Variants in CAMSAP1 observed in about 807,000 individuals in gnomAD.
CAMSAP1 encodes calmodulin regulated spectrin associated protein 1.
Under a neutral mutation model 143.5 loss-of-function variants are expected in CAMSAP1, and 58 were observed. The observed-to-expected ratio is 0.40, with a 90% CI of 0.33 to 0.50. The LOEUF is 0.50. CAMSAP1 is among the 20% of genes least tolerant of loss of function. CAMSAP1 has a pLI of 0.45. For missense variants in CAMSAP1, 1,969 were observed against 2,115.7 expected (o/e 0.93, Z 1.36); for synonymous variants, 945 against 859.3 (o/e 1.10, Z -1.74).
intron 3 of CAMSAP1, among the ~76,000 whole-genome samples, chr9:135,872,880 C>T (rs150126121): frequency 1.3e-5 from 2 of 152,136 alleles, no homozygotes; most frequent in South Asian, 2.1e-4. Context: ...AACCAAATGG[C>T]GGGTTACAAG....
intron 5 of CAMSAP1, among the ~76,000 whole-genome samples, chr9:135,852,751 A>AC (rs1342401593): frequency 1.3e-5 from 2 of 152,192 alleles, no homozygotes; most frequent in African/African-American, 4.8e-5. Context: ...TAGGGCACAT[A>AC]CCCTGCACAT....
intron 3 of CAMSAP1, among the ~76,000 whole-genome samples, chr9:135,870,863 T>C (rs1028032696): frequency 6.6e-6 from 1 of 152,216 alleles, no homozygotes; most frequent in Admixed American, 6.5e-5. Flanking sequence ...GTGAAGTTTA[T>C]GGCATGTAAA....
chr9:135,850,638 T>C (rs1389666256), intron 5 of CAMSAP1, among the ~76,000 whole-genome samples, 177 bp from the exon 6 acceptor site: 5 of 152,180 alleles, frequency 3.3e-5, no homozygotes, highest in African/African-American at 1.2e-4. Context: ...AAGAAAACAC[T>C]CAAGACAACT....
At chr9:135,876,360 T>C (rs1485932652) in intron 3 of CAMSAP1, among the ~76,000 whole-genome samples, 4 of 152,216 alleles carry the variant, frequency 2.6e-5, no homozygotes, top group South Asian at 2.1e-4. Flanking sequence ...CCCAAATACA[T>C]ACATTTCTAA....
At chr9:135,833,037 T>A (rs1293980881) in intron 7 of CAMSAP1, among the ~76,000 whole-genome samples, 1 of 150,298 alleles carries the variant, frequency 6.7e-6, no homozygotes, top group Non-Finnish European at 1.5e-5. Flanking sequence ...AAACCTAAAA[T>A]CTGTATGGAA....
intron 3 of CAMSAP1, among the ~76,000 whole-genome samples, chr9:135,878,676 G>T (rs907197667): frequency 2.6e-5 from 4 of 152,144 alleles, no homozygotes; most frequent in African/African-American, 9.7e-5. Flanking sequence ...ACCGGAGAGG[G>T]CCTAGGAACA....
chr9:135,874,987 A>G (rs148783348), intron 3 of CAMSAP1, among the ~76,000 whole-genome samples: 268 of 152,348 alleles, frequency 1.8e-3, no homozygotes, highest in African/African-American at 4.6e-3. Flanking sequence ...ACCATAAAAC[A>G]TGGCTGAGAG....
chr9:135,818,327 C>T lies in CAMSAP1; in HGVS notation c.4168+81G>A. 1 of 1,433,136 alleles carries T rather than the reference C, an allele frequency of 7.0e-7. No individual in the cohort carries two copies. Among genetic ancestry groups the T allele is most frequent in the Non-Finnish European group, 9.3e-7 (1 of 1,071,378 alleles). 88.8% of individuals were successfully genotyped at this position (1,433,136 alleles called of 1,614,324 possible). On this transcript the variant is annotated intron_variant, in intron 13 of 16. Coordinates refer to ENST00000389532, the MANE Select transcript of CAMSAP1 (RefSeq NM_015447.4). This position sits in a 1 kb window ranked among gnomAD's most constrained non-coding sequence, Gnocchi z 7.7. ...TCCCGCCTCACACCACTCTTGATGA[C>T]AAAATTGAAATGAGCTGAAGAACGT...
chr9:135,833,424 C>T (rs62584818), intron 7 of CAMSAP1, among the ~76,000 whole-genome samples: 21,254 of 152,148 alleles, frequency 0.14, 1,672 homozygotes, highest in Non-Finnish European at 0.17. Flanking sequence ...CATCACACTC[C>T]CTGATTTCAA....
At position 135,854,259 on chromosome 9, in the gene CAMSAP1, T is replaced by C. The variant is rs1328664851; in HGVS notation, c.809-3798A>G. 2.0e-5 allele frequency among the ~76,000 whole-genome samples: 3 copies of C among 152,252 alleles called. No homozygotes were observed. In the East Asian group the frequency reaches 5.8e-4, roughly 29 times the overall value. ...CCACCACTTTTGGCTTCAAAGAAGA[T>C]TGCTCATTTTGTCTAACATTTCAAA... On this transcript the variant is annotated intron_variant, in intron 5 of 16. Transcript: ENST00000389532.
At chr9:135,817,948 C>G (rs749718056) in intron 14 of CAMSAP1, 29 bp downstream of exon 14, 7 of 1,602,122 alleles carry the variant, frequency 4.4e-6, no homozygotes, top group Non-Finnish European at 6.0e-6. Flanking sequence ...CCTCCAGCCC[C>G]GTGCCGGCGG....
In CAMSAP1 at chr9:135,814,597, G is replaced by A. The variant is rs563155985; in HGVS notation, c.4506+500C>T. Reference sequence around the variant, plus strand: ...CGGAGTCCACACGCTCAGCGGGTGCGCGCCTCTTCCCTCCCTCCCCACTCC... The same window carrying A: ...CGGAGTCCACACGCTCAGCGGGTGCACGCCTCTTCCCTCCCTCCCCACTCC... On this transcript the variant is annotated intron_variant, in intron 16 of 16. Transcript: ENST00000389532. Among the ~76,000 whole-genome samples, 15 of 152,226 alleles carry A rather than the reference G, an allele frequency of 9.9e-5. No homozygotes were observed. In the East Asian group the frequency reaches 1.2e-3, roughly 12 times the overall value.
At position 135,824,681 on chromosome 9, in the gene CAMSAP1, AC is replaced by A; in HGVS notation, c.1315+107del. ...TCCATCTCAAAAAACAAACAAACAAACAAAAAAATCACTACATCAGATAAAA... is the reference window on the plus strand; with the variant it reads ...TCCATCTCAAAAAACAAACAAACAAAAAAAAAATCACTACATCAGATAAAA... On this transcript the variant is annotated intron_variant, in intron 9 of 16. Coordinates refer to ENST00000389532, the MANE Select transcript of CAMSAP1 (RefSeq NM_015447.4). This position sits in a 1 kb window ranked among gnomAD's most constrained non-coding sequence, Gnocchi z 4.1. 2 of 894,586 alleles carry A rather than the reference AC, an allele frequency of 2.2e-6. No homozygotes were observed. Among genetic ancestry groups the A allele is most frequent in the Middle Eastern group, 2.3e-4 (1 of 4,434 alleles). The allele number at this position is 894,586 out of a possible 1,614,324, so 55.4% of individuals were successfully genotyped here.
chr9:135,879,141 T>C (rs761744535), intron 3 of CAMSAP1, among the ~76,000 whole-genome samples: 1 of 152,016 alleles, frequency 6.6e-6, no homozygotes, highest in African/African-American at 2.4e-5. Context: ...TAATTGCCAT[T>C]TGTCACAATC....
Position 135,821,080 on chromosome 9 carries a change from T to C in CAMSAP1, c.3581A>G (p.Gln1194Arg). ...ATCCAGAACTTCTTTGAGGCTCATC[T>C]GCTCCGAAAGAATGTTGGCATCTTT... The part of the protein sequence containing the change: ...SSKDANILSE[Q>R]MSLKEVLDAS... Residue 1194 changes from glutamine to arginine, a missense_variant, in exon 11 of 17, where the codon CAG (glutamine) becomes CGG (arginine). By Grantham distance (43) the Gln-to-Arg change is conservative. Around this residue, in one of 4 missense-constraint regions of CAMSAP1, gnomAD observed 1,390 missense variants for 1,420.8 expected, o/e 0.98. Transcript: ENST00000389532. The surrounding 1 kb of genome is among the most constrained non-coding windows in gnomAD (Gnocchi z 4.6). 6.2e-7 allele frequency: 1 copy of C among 1,614,026 alleles called. No homozygotes were observed.
intron 3 of CAMSAP1, among the ~76,000 whole-genome samples, chr9:135,874,656 A>C (rs1352081114): frequency 6.6e-6 from 1 of 152,162 alleles, no homozygotes; most frequent in African/African-American, 2.4e-5. Context: ...CTGAGGTACT[A>C]AACAGTACAG....
intron 7 of CAMSAP1, among the ~76,000 whole-genome samples, chr9:135,844,759 G>A (rs938107091): frequency 4.6e-5 from 7 of 152,164 alleles, no homozygotes; most frequent in African/African-American, 1.4e-4. Context: ...AATAAAACTA[G>A]AAAATCTAGA....
Position 135,819,001 on chromosome 9 carries a change from G to A in CAMSAP1, c.3959+9C>T. The A allele has an allele frequency of 6.2e-7, 1 of 1,604,654 alleles. No individual in the cohort carries two copies. ...CTCAGTCTGCTTTCCCCCCCGGCGG[G>A]ACGCTTACCGGGCTTCGTCACGCTT... On this transcript the variant is annotated intron_variant, in intron 12 of 16. Transcript: ENST00000389532.
intron 1 of CAMSAP1, among the ~76,000 whole-genome samples, chr9:135,888,889 T>C (rs1838208099): frequency 6.6e-6 from 1 of 152,102 alleles, no homozygotes; most frequent in African/African-American, 2.4e-5. Flanking sequence ...AACTGCACCT[T>C]GACAGCGGAG....
Sources: gnomAD v4.1 joint callset for allele counts (sites outside exome capture counted in the v4.1 genomes callset) on GRCh38, gnomAD v4.1.1 for gene constraint, gnomAD v4.1.1 regional missense constraint, Gnocchi (gnomAD v3.1) non-coding constraint, MANE v1.5 for transcripts, NCBI Gene and HGNC (gene_info 2026-07-23, HGNC 2026-07-21) for gene names.